TNRC18: variants seen among roughly 807,000 people sequenced by gnomAD.
The protein encoded by TNRC18 is trinucleotide repeat-containing gene 18 protein.
TNRC18 carries 69 observed loss-of-function variants against 226.7 expected under a neutral mutation model. The observed-to-expected ratio is 0.30, with a 90% CI of 0.25 to 0.37. The LOEUF (loss-of-function observed/expected upper bound fraction) is 0.37, where lower values mean the gene tolerates loss of function less well. Among genes scored for constraint, TNRC18 ranks in the 10% least tolerant of loss-of-function variants. The pLI, the probability that TNRC18 is intolerant of heterozygous loss-of-function variation, is 1.00. For synonymous variants in TNRC18, 2,449 were observed against 1,927.6 expected, an observed-to-expected ratio of 1.27 and a Z score of -7.09; for missense variants, 4,754 against 4,256.6, an observed-to-expected ratio of 1.12 and a Z score of -3.25.
Position 5,371,150 on chromosome 7 carries a change from C to T in TNRC18, c.3444G>A (p.Pro1148=), listed in dbSNP as rs374062653. ...CCCGCTCAGCCAGCGGTTCTTCCTC[C>T]GGGCCCTCCCGCAGCGGCTCTGTGA... ...SKITEPLREG[P]EEEPLAEREV... The change falls in exon 11 of 30, where the codon CCG becomes CCA. Residue 1148 remains proline, a synonymous_variant. Transcript: ENST00000430969. 275 of 1,609,376 alleles carry T rather than the reference C, an allele frequency of 1.7e-4. 2 individuals carry two copies. The highest frequency in any genetic ancestry group is 3.8e-4 in the Admixed American group (23 of 59,868).
At chr7:5,403,742 GT>G (rs1781270757) in intron 2 of TNRC18, among the ~76,000 whole-genome samples, 1 of 151,720 alleles carries the variant, frequency 6.6e-6, no homozygotes, top group Admixed American at 6.6e-5. Context: ...TTGAGCTATG[GT>G]TGCACCACTG....
intron 19 of TNRC18, among the ~76,000 whole-genome samples, chr7:5,330,553 A>G (rs1789419093): frequency 6.6e-6 from 1 of 151,914 alleles, no homozygotes; most frequent in Non-Finnish European, 1.5e-5. Flanking sequence ...GCCTGTCCAT[A>G]TGTGAGCCAC....
Position 5,352,157 on chromosome 7 carries a change from A to G in TNRC18, c.5195-63T>C, listed in dbSNP as rs1791897491. 5 of 1,480,096 alleles carry G rather than the reference A, an allele frequency of 3.4e-6. No individual in the cohort carries two copies. The East Asian group carries it at 7.1e-5, about 21-fold the overall frequency. 91.7% of individuals were successfully genotyped at this position (1,480,096 alleles called of 1,614,324 possible). The stretch of plus-strand genomic sequence containing the variant: ...GGGCAGCAGGAGCTGGTGTCATTTT[A>G]TTGGTTTTAATGGTTCTGAGAACGT... On this transcript the variant is annotated intron_variant, in intron 16 of 29. Transcript: ENST00000430969.
At position 5,307,955 on chromosome 7, in the gene TNRC18, C is replaced by T. The variant is rs1786723985; in HGVS notation, c.*151G>A. 3 of 682,342 alleles carry T rather than the reference C, an allele frequency of 4.4e-6. No individual in the cohort carries two copies. The highest frequency in any genetic ancestry group is 4.9e-6 in the Non-Finnish European group (2 of 405,172). 42.3% of individuals were successfully genotyped at this position (682,342 alleles called of 1,614,324 possible). A position where few individuals can be genotyped will look rare whatever the true frequency, so the allele number is the denominator to read the frequency against. ...ACACACGTGCATGCACACACACTCACCCGGGCATCCACGTGCACACCTGGC... is the reference window on the plus strand; with the variant it reads ...ACACACGTGCATGCACACACACTCATCCGGGCATCCACGTGCACACCTGGC... On this transcript the variant is annotated 3_prime_UTR_variant, in exon 30 of 30. Coordinates refer to ENST00000430969, the MANE Select transcript of TNRC18 (RefSeq NM_001080495.3).
intron 11 of TNRC18, among the ~76,000 whole-genome samples, chr7:5,366,238 A>C (rs1793602929): frequency 6.6e-6 from 1 of 151,482 alleles, no homozygotes; most frequent in Non-Finnish European, 1.5e-5. Flanking sequence ...AGCTGTGACA[A>C]CCAAAAATGT....
chr7:5,422,964 G>A (rs185085001), intron 1 of TNRC18: 11 of 152,212 alleles, frequency 7.2e-5, no homozygotes, highest in Non-Finnish European at 1.6e-4. Flanking sequence ...CCCCAGTTTG[G>A]GGAAGTCGGG....
intron 18 of TNRC18, among the ~76,000 whole-genome samples, chr7:5,344,397 T>C (rs1174103089): frequency 6.6e-6 from 1 of 152,110 alleles, no homozygotes; most frequent in Non-Finnish European, 1.5e-5. Context: ...GGTAGCCTTG[T>C]AGGGGGCCCT....
intron 29 of TNRC18, among the ~76,000 whole-genome samples, 161 bp from the exon 30 acceptor site, chr7:5,308,473 GAGAGAC>G: frequency 6.6e-6 from 1 of 151,840 alleles, no homozygotes; most frequent in Non-Finnish European, 1.5e-5. Flanking sequence ...ACCAACAAAA[GAGAGAC>G]AGAGACCGAG....
intron 5 of TNRC18, among the ~76,000 whole-genome samples, chr7:5,387,429 C>CAA (rs1471430145): frequency 5.9e-5 from 9 of 152,182 alleles, no homozygotes; most frequent in African/African-American, 2.2e-4. Context: ...GCGATGCACA[C>CAA]AAAGACTGAA....
intron 24 of TNRC18, among the ~76,000 whole-genome samples, chr7:5,318,308 C>T (rs180748754): frequency 1.0e-3 from 152 of 152,140 alleles, no homozygotes; most frequent in African/African-American, 3.3e-3. Flanking sequence ...CGTGAGCCAC[C>T]GCAGCTGGTG....
At position 5,370,515 on chromosome 7, in the gene TNRC18, G is replaced by A. The variant is rs748041580; in HGVS notation, c.4079C>T (p.Pro1360Leu). 1.9e-5 allele frequency: 30 copies of A among 1,599,094 alleles called. No individual in the cohort carries two copies. The highest frequency in any genetic ancestry group is 1.3e-4 in the South Asian group (12 of 88,924). Residue 1360 changes from proline to leucine, a missense_variant, in exon 11 of 30, where the codon CCG (proline) becomes CTG (leucine). Pro to Leu is a moderately conservative substitution (Grantham distance 98). Coordinates refer to ENST00000430969, the MANE Select transcript of TNRC18 (RefSeq NM_001080495.3). ...CAAGGCCTGGGCTCCAGCAGCACCC[G>A]GGGAGGGCAGAGGCCTGGCCTGGGG... ...ELPQARPLPSPGAAGAQALEK... is the reference protein window; with the variant it reads ...ELPQARPLPSLGAAGAQALEK...
intron 16 of TNRC18, among the ~76,000 whole-genome samples, chr7:5,356,463 C>T (rs1792390648): frequency 6.6e-6 from 1 of 152,222 alleles, no homozygotes; most frequent in Non-Finnish European, 1.5e-5. Flanking sequence ...AGCCGTGGTC[C>T]GCAACAGACG....
At chr7:5,391,834 T>G (rs1780322252) in intron 3 of TNRC18, among the ~76,000 whole-genome samples, 1 of 115,422 alleles carries the variant, frequency 8.7e-6, no homozygotes, top group African/African-American at 3.0e-5. Context: ...CCATCTCTAT[T>G]TAAAAAAAAA....
Position 5,307,406 on chromosome 7 carries a change from C to A in TNRC18, c.*700G>T. ...ACCTCCCTCCTGGGTGGGGAGGGGCCAGGCGTGGCCGGGCGACAGTTTCAG... is the reference window on the plus strand; with the variant it reads ...ACCTCCCTCCTGGGTGGGGAGGGGCAAGGCGTGGCCGGGCGACAGTTTCAG... On this transcript the variant is annotated 3_prime_UTR_variant, in exon 30 of 30. Transcript: ENST00000430969. The A allele has an allele frequency of 3.2e-6, 1 of 313,484 alleles. No individual in the cohort carries two copies. The highest frequency in any genetic ancestry group is 6.5e-6 in the Non-Finnish European group (1 of 152,916). 19.4% of individuals were successfully genotyped at this position (313,484 alleles called of 1,614,324 possible).
intron 2 of TNRC18, among the ~76,000 whole-genome samples, chr7:5,401,979 T>A (rs1228070195): frequency 6.6e-6 from 1 of 150,474 alleles, no homozygotes; most frequent in African/African-American, 2.5e-5. Context: ...ATCAAGACCA[T>A]CCTGGCTAAC....
chr7:5,331,514 A>T (rs1789516795), intron 19 of TNRC18, among the ~76,000 whole-genome samples: 1 of 152,210 alleles, frequency 6.6e-6, no homozygotes, highest in Non-Finnish European at 1.5e-5. Flanking sequence ...CAAACCACAA[A>T]AGTACCAGCA....
intron 2 of TNRC18, among the ~76,000 whole-genome samples, chr7:5,403,412 G>A (rs982695683): frequency 5.3e-5 from 8 of 152,032 alleles, no homozygotes; most frequent in Admixed American, 2.6e-4. Flanking sequence ...CGCCCGCCTC[G>A]GTCTCCCAAA....
intron 2 of TNRC18, among the ~76,000 whole-genome samples, chr7:5,416,732 C>G (rs1054378684): frequency 2.0e-5 from 3 of 151,832 alleles, no homozygotes; most frequent in Non-Finnish European, 4.4e-5. Flanking sequence ...CGGCACACAC[C>G]TGTAATCCCA....
chr7:5,382,773 G>T (rs1446537150), intron 5 of TNRC18, among the ~76,000 whole-genome samples: 1 of 152,042 alleles, frequency 6.6e-6, no homozygotes, highest in African/African-American at 2.4e-5. Context: ...CCTCATCCCT[G>T]CAGGCCTGTC....
Sources: allele counts gnomAD v4.1 joint callset (sites outside exome capture counted in the v4.1 genomes callset), GRCh38; gene constraint gnomAD v4.1.1; transcripts MANE v1.5; gene names NCBI Gene and HGNC (gene_info 2026-07-23, HGNC 2026-07-21).